The following STXBP5 variants were observed in gnomAD, a reference collection of about 807,000 sequenced individuals.
The protein encoded by STXBP5 is syntaxin binding protein 5, also known as syntaxin-binding protein 5.
In STXBP5, 50 loss-of-function variants were observed where a neutral mutation model predicts 152.4. That is an observed-to-expected ratio of 0.33 (90% CI 0.26 to 0.42). The LOEUF is 0.42. Among genes scored for constraint, STXBP5 ranks in the 10% least tolerant of loss-of-function variants. The probability of loss-of-function intolerance (pLI) is 1.00; values close to 1 mark genes in which losing one functional copy is unlikely to be tolerated. For synonymous variants in STXBP5, 492 were observed against 494.7 expected (o/e 0.99, Z 0.07); for missense variants, 1,167 against 1,388.6 (o/e 0.84, Z 2.54).
At chr6:147,336,911 GT>G (rs1783851143) in intron 19 of STXBP5, among the ~76,000 whole-genome samples, 1 of 151,974 alleles carries the variant, frequency 6.6e-6, no homozygotes, top group African/African-American at 2.4e-5. Context: ...GATCTCAACT[GT>G]TTAGTTAATT....
intron 21 of STXBP5, 43 bp from the exon 22 acceptor site, chr6:147,353,280 T>A: frequency 7.5e-7 from 1 of 1,329,302 alleles, no homozygotes; most frequent in Non-Finnish European, 1.0e-6. Context: ...TTAGTATGAA[T>A]CAAATATTCT....
intron 7 of STXBP5, among the ~76,000 whole-genome samples, chr6:147,272,924 C>T (rs982418562): frequency 6.6e-6 from 1 of 151,948 alleles, no homozygotes; most frequent in Non-Finnish European, 1.5e-5. Flanking sequence ...CTGGTTGTGT[C>T]TCAATGATAG....
At chr6:147,228,569 C>A (rs1401878696) in intron 2 of STXBP5, among the ~76,000 whole-genome samples, 1 of 151,968 alleles carries the variant, frequency 6.6e-6, no homozygotes, top group East Asian at 1.9e-4. Flanking sequence ...TTGATACTTT[C>A]TCTTCTTCTT....
chr6:147,387,518 G>T lies in STXBP5; in HGVS notation c.*2763G>T, dbSNP rs1053129188. On this transcript the variant is annotated 3_prime_UTR_variant, in exon 28 of 28. Transcript: ENST00000321680. ...TCAGTTTTCAAACTAAAATCCATAT[G>T]TATTTGCTGAGAAAGTTATTTGAAA... 2.0e-5 allele frequency: 3 copies of T among 151,846 alleles called. No homozygotes were observed. Among genetic ancestry groups the T allele is most frequent in the South Asian group, 2.1e-4 (1 of 4,828 alleles). The allele number at this position is 151,846 out of a possible 1,614,324, so 9.4% of individuals were successfully genotyped here.
chr6:147,320,579 G>GTTTGTT (rs34392587), intron 16 of STXBP5, among the ~76,000 whole-genome samples: 1 of 148,958 alleles, frequency 6.7e-6, no homozygotes, highest in African/African-American at 2.5e-5. Flanking sequence ...GTGTGTGTGT[G>GTTTGTT]TGTGTGTGTG....
chr6:147,270,396 CAAAAAA>C (rs71031020), intron 7 of STXBP5, among the ~76,000 whole-genome samples: 1 of 90,194 alleles, frequency 1.1e-5, no homozygotes, highest in East Asian at 2.7e-4. Context: ...GAGACTCTGT[CAAAAAA>C]AAAAAAAAAA....
In STXBP5 at chr6:147,364,138, A is replaced by T. The variant is rs150857550; in HGVS notation, c.3053A>T (p.Tyr1018Phe). 3.1e-6 allele frequency: 5 copies of T among 1,613,380 alleles called. No individual in the cohort carries two copies. The highest frequency in any genetic ancestry group is 4.2e-6 in the Non-Finnish European group (5 of 1,179,812). Residue 1018 changes from tyrosine to phenylalanine, a missense_variant, in exon 25 of 28, where the codon TAT (tyrosine) becomes TTT (phenylalanine). Around this residue, in one of 3 missense-constraint regions of STXBP5, gnomAD observed 833 missense variants for 986.3 expected, o/e 0.84. Coordinates refer to ENST00000321680, the MANE Select transcript of STXBP5 (RefSeq NM_001127715.4). ...VSPTEIQRLT[Y>F]SQETCENLQE... ...CCTACAGAAATCCAGAGACTTACTT[A>T]TAGTCAAGAGACCTGTGAAAATCTT...
chr6:147,319,073 A>G (rs1269383067), intron 16 of STXBP5, among the ~76,000 whole-genome samples: 1 of 152,136 alleles, frequency 6.6e-6, no homozygotes, highest in Non-Finnish European at 1.5e-5. Context: ...TTGCCCTCAC[A>G]GGGTAACAGA....
intron 8 of STXBP5, among the ~76,000 whole-genome samples, chr6:147,290,621 T>C (rs1781231832): frequency 6.6e-6 from 1 of 152,212 alleles, no homozygotes; most frequent in African/African-American, 2.4e-5. Flanking sequence ...TTTAGCAGTC[T>C]TTTGGGTATT....
At chr6:147,314,224 A>C in intron 12 of STXBP5, 40 bp from the exon 13 acceptor site, 1 of 1,509,256 alleles carries the variant, frequency 6.6e-7, no homozygotes, top group East Asian at 2.2e-5. Flanking sequence ...GGTATGTAGT[A>C]TGCTTGCAAG....
At chr6:147,307,573 A>T (rs762840737) in intron 9 of STXBP5, among the ~76,000 whole-genome samples, 1 of 152,050 alleles carries the variant, frequency 6.6e-6, no homozygotes, top group Non-Finnish European at 1.5e-5. Flanking sequence ...ATAATTATTA[A>T]TATTTACTCT....
chr6:147,276,857 G>C (rs539858667), intron 7 of STXBP5, among the ~76,000 whole-genome samples: 1 of 152,034 alleles, frequency 6.6e-6, no homozygotes, highest in African/African-American at 2.4e-5. Flanking sequence ...TTACCAAGAC[G>C]TAATAAGTAA....
chr6:147,248,259 C>T (rs969932650), intron 4 of STXBP5, among the ~76,000 whole-genome samples: 9 of 140,716 alleles, frequency 6.4e-5, no homozygotes, highest in Middle Eastern at 3.6e-3. Context: ...CCAAACTGGG[C>T]GGCAAAGTGA....
chr6:147,231,141 T>A (rs958051734), intron 2 of STXBP5, among the ~76,000 whole-genome samples: 1 of 151,902 alleles, frequency 6.6e-6, no homozygotes, highest in African/African-American at 2.4e-5. Flanking sequence ...TTTCTGTTCA[T>A]GTGTCCTGTA....
intron 8 of STXBP5, among the ~76,000 whole-genome samples, chr6:147,283,899 T>C (rs1342620625): frequency 6.6e-6 from 1 of 152,174 alleles, no homozygotes; most frequent in Non-Finnish European, 1.5e-5. Context: ...GCAATGTGGC[T>C]CTTCAGTTTG....
intron 6 of STXBP5, among the ~76,000 whole-genome samples, chr6:147,265,185 A>T (rs1169953786): frequency 2.0e-5 from 3 of 152,100 alleles, no homozygotes; most frequent in African/African-American, 7.2e-5. Context: ...TGTATCTCAG[A>T]TTGCCTAGGA....
intron 16 of STXBP5, among the ~76,000 whole-genome samples, chr6:147,318,981 T>C (rs1323988658): frequency 6.6e-6 from 1 of 152,212 alleles, no homozygotes; most frequent in Non-Finnish European, 1.5e-5. Context: ...AGTTGGTGTT[T>C]GTGTCTTCTT....
Position 147,248,101 on chromosome 6 carries a change from G to A in STXBP5, c.431+8831G>A, listed in dbSNP as rs569889932. Among the ~76,000 whole-genome samples the A allele has an allele frequency of 8.5e-5, 13 of 152,080 alleles. No individual in the cohort carries two copies. The East Asian group carries it at 2.1e-3, about 25-fold the overall frequency. On this transcript the variant is annotated intron_variant, in intron 4 of 27. Coordinates refer to ENST00000321680, the MANE Select transcript of STXBP5 (RefSeq NM_001127715.4). ...TCAAGACGAGCCTGGCCAACATGGC[G>A]AAACCCTGTCTCTACTAAAAATACA...
intron 2 of STXBP5, among the ~76,000 whole-genome samples, chr6:147,219,949 T>C (rs537920359): frequency 4.0e-5 from 6 of 151,872 alleles, no homozygotes; most frequent in African/African-American, 1.4e-4. Flanking sequence ...CCTCTTCTTT[T>C]TGTAGTTTCT....
Sources: allele counts gnomAD v4.1 joint callset (sites outside exome capture counted in the v4.1 genomes callset), GRCh38; gene constraint gnomAD v4.1.1; regional missense constraint gnomAD v4.1.1; transcripts MANE v1.5; gene names NCBI Gene and HGNC (gene_info 2026-07-23, HGNC 2026-07-21).